The following TMTC2 variants were observed in gnomAD, a reference collection of about 807,000 sequenced individuals.
TMTC2 encodes transmembrane O-mannosyltransferase targeting cadherins 2.
A neutral mutation model predicts 82.4 loss-of-function variants in TMTC2; 43 were observed. The ratio of observed to expected loss-of-function variants is 0.52; its 90% confidence interval spans 0.41 to 0.67. TMTC2 has a LOEUF of 0.67. Ranked by LOEUF, TMTC2 falls within the 30% of genes least tolerant of loss-of-function variation. TMTC2 has a pLI of 0.00. For synonymous variants in TMTC2, 408 were observed against 381.9 expected (o/e 1.07, Z -0.80); for missense variants, 919 against 1,012.4 (o/e 0.91, Z 1.25).
chr12:82,910,317 G>A (rs997005955), intron 3 of TMTC2, among the ~76,000 whole-genome samples: 15 of 152,286 alleles, frequency 9.8e-5, no homozygotes, highest in South Asian at 4.2e-4. Context: ...CTCACAGCGC[G>A]TGTGAAGAGG....
intron 11 of TMTC2, among the ~76,000 whole-genome samples, chr12:83,063,237 T>A (rs1184100852): frequency 2.0e-5 from 3 of 151,702 alleles, no homozygotes; most frequent in Non-Finnish European, 4.4e-5. Flanking sequence ...TCTTATTACC[T>A]ACCACAGGGG....
chr12:83,063,392 G>A (rs957551257), intron 11 of TMTC2, among the ~76,000 whole-genome samples: 4 of 151,644 alleles, frequency 2.6e-5, no homozygotes, highest in Non-Finnish European at 5.9e-5. Flanking sequence ...GATGTTTCAA[G>A]AATTGATAGG....
At chr12:82,999,044 T>G (rs1176731103) in intron 8 of TMTC2, among the ~76,000 whole-genome samples, 2 of 152,186 alleles carry the variant, frequency 1.3e-5, no homozygotes, top group Admixed American at 6.5e-5. Flanking sequence ...CATAGATATA[T>G]TGTTATCAAC....
intron 1 of TMTC2, among the ~76,000 whole-genome samples, chr12:82,816,232 G>A (rs2137056176): frequency 6.6e-6 from 1 of 150,718 alleles, no homozygotes; most frequent in African/African-American, 2.4e-5. Flanking sequence ...CTCTAAATGT[G>A]TAGACCTCAG....
chr12:82,696,964 G>GTGTATATA (rs374532592), intron 1 of TMTC2, among the ~76,000 whole-genome samples: 1 of 141,514 alleles, frequency 7.1e-6, no homozygotes, highest in Non-Finnish European at 1.5e-5. Context: ...ACATACATAC[G>GTGTATATA]TATATATATA....
chr12:83,065,064 C>T (rs989519631), intron 11 of TMTC2, among the ~76,000 whole-genome samples: 1 of 151,788 alleles, frequency 6.6e-6, no homozygotes, highest in African/African-American at 2.4e-5. Flanking sequence ...AAATCTGTAG[C>T]TGTATGTGGG....
chr12:83,036,636 G>T (rs1881675061), intron 9 of TMTC2, among the ~76,000 whole-genome samples: 1 of 151,980 alleles, frequency 6.6e-6, no homozygotes, highest in Non-Finnish European at 1.5e-5. Flanking sequence ...GAAAAGCCCA[G>T]CTCTTTCAAC....
At chr12:82,919,354 A>G (rs921887911) in intron 3 of TMTC2, among the ~76,000 whole-genome samples, 1 of 152,178 alleles carries the variant, frequency 6.6e-6, no homozygotes, top group African/African-American at 2.4e-5. Flanking sequence ...TTACATTGGG[A>G]ATTAAGTTTA....
At chr12:82,970,090 T>C (rs1878382099) in intron 7 of TMTC2, among the ~76,000 whole-genome samples, 1 of 152,198 alleles carries the variant, frequency 6.6e-6, no homozygotes, top group Non-Finnish European at 1.5e-5. Flanking sequence ...AGATTCACCA[T>C]AAGGTAGTCC....
chr12:82,851,696 A>G (rs975912440), intron 1 of TMTC2, among the ~76,000 whole-genome samples: 1 of 152,180 alleles, frequency 6.6e-6, no homozygotes, highest in African/African-American at 2.4e-5. Flanking sequence ...CTTTTTTCTT[A>G]TCTTTCTTGC....
chr12:83,034,967 A>G (rs928931302), intron 9 of TMTC2, among the ~76,000 whole-genome samples: 2 of 152,238 alleles, frequency 1.3e-5, no homozygotes, highest in African/African-American at 4.8e-5. Flanking sequence ...AATGAATAAT[A>G]ACACTTCCTC....
chr12:82,951,299 CT>C (rs5799600), intron 4 of TMTC2, among the ~76,000 whole-genome samples: 2 of 149,668 alleles, frequency 1.3e-5, no homozygotes, highest in Non-Finnish European at 3.0e-5. Context: ...TGGAATTTAA[CT>C]TTTTTTTTTG....
At chr12:82,895,770 C>G (rs771032441) in intron 2 of TMTC2, 48 bp from the exon 3 acceptor site, 5 of 1,504,148 alleles carry the variant, frequency 3.3e-6, no homozygotes, top group Non-Finnish European at 4.5e-6. Context: ...TGTTCCCATG[C>G]TGTACTGATA....
intron 1 of TMTC2, among the ~76,000 whole-genome samples, chr12:82,845,502 G>A (rs9651971): frequency 0.24 from 35,991 of 151,576 alleles, 10,348 homozygotes; most frequent in African/African-American, 0.69. Flanking sequence ...AAGCCTTACA[G>A]TATCCCTTCT....
intron 1 of TMTC2, among the ~76,000 whole-genome samples, chr12:82,750,342 G>A: frequency 6.6e-6 from 1 of 151,848 alleles, no homozygotes; most frequent in Non-Finnish European, 1.5e-5. Flanking sequence ...TGTTTAAGAT[G>A]AAGAGAAGAG....
chr12:83,023,334 C>T (rs1881022640), intron 8 of TMTC2, among the ~76,000 whole-genome samples: 1 of 152,152 alleles, frequency 6.6e-6, no homozygotes, highest in Non-Finnish European at 1.5e-5. Flanking sequence ...TTCCTATGTG[C>T]CCTTTGCTCA....
chr12:83,089,803 T>G (rs1244883599), intron 11 of TMTC2, among the ~76,000 whole-genome samples: 1 of 151,134 alleles, frequency 6.6e-6, no homozygotes, highest in African/African-American at 2.4e-5. Context: ...TCTTCAGTCA[T>G]GTACATTGGC....
Position 82,924,781 on chromosome 12 carries a change from C to T in TMTC2, c.1484-5650C>T, listed in dbSNP as rs377524039. On this transcript the variant is annotated intron_variant, in intron 3 of 11. Transcript: ENST00000321196. ...TGGTCCCCCTGTTGCTCCTTTAGTTCGCTTGCAGTGAGTACCTTCTCTGCA... is the reference window on the plus strand; with the variant it reads ...TGGTCCCCCTGTTGCTCCTTTAGTTTGCTTGCAGTGAGTACCTTCTCTGCA... Among the ~76,000 whole-genome samples, 18 of 152,230 alleles carry T rather than the reference C, an allele frequency of 1.2e-4. No individual in the cohort carries two copies. The East Asian group carries it at 1.9e-3, about 16-fold the overall frequency.
intron 1 of TMTC2, among the ~76,000 whole-genome samples, chr12:82,825,593 T>C (rs1290317808): frequency 5.9e-5 from 9 of 152,200 alleles, no homozygotes. Flanking sequence ...CGTCTATTAT[T>C]TCCACAATGT....
Sources: allele counts gnomAD v4.1 joint callset (sites outside exome capture counted in the v4.1 genomes callset), GRCh38; gene constraint gnomAD v4.1.1; transcripts MANE v1.5; gene names NCBI Gene and HGNC (gene_info 2026-07-23, HGNC 2026-07-21).